The following ENAH variants were observed in gnomAD, a reference collection of about 807,000 sequenced individuals.
ENAH encodes protein enabled homolog.
In ENAH, 23 loss-of-function variants were observed where a neutral mutation model predicts 78.7. That is an observed-to-expected ratio of 0.29 (90% CI 0.21 to 0.41). The LOEUF is 0.41. ENAH is among the 10% of genes least tolerant of loss of function. The pLI is 1.00. For synonymous variants in ENAH, 226 were observed against 241.0 expected (o/e 0.94, Z 0.58); for missense variants, 544 against 691.0 (o/e 0.79, Z 2.39).
At chr1:225,579,677 G>A (rs1222268657) in intron 1 of ENAH, among the ~76,000 whole-genome samples, 1 of 152,130 alleles carries the variant, frequency 6.6e-6, no homozygotes, top group Non-Finnish European at 1.5e-5. Context: ...CTCCAACTTT[G>A]TTACTACACA....
chr1:225,625,413 C>T (rs1251239495), intron 1 of ENAH, among the ~76,000 whole-genome samples: 1 of 152,184 alleles, frequency 6.6e-6, no homozygotes, highest in Non-Finnish European at 1.5e-5. Flanking sequence ...TAGTTGAACT[C>T]CTGCCTTTTC....
intron 1 of ENAH, among the ~76,000 whole-genome samples, chr1:225,630,955 G>T (rs1658902366): frequency 6.6e-6 from 1 of 152,090 alleles, no homozygotes; most frequent in South Asian, 2.1e-4. Flanking sequence ...TAAACCCTTT[G>T]AACACTAGCA....
At chr1:225,566,881 C>G (rs1043370654) in intron 2 of ENAH, among the ~76,000 whole-genome samples, 1 of 152,252 alleles carries the variant, frequency 6.6e-6, no homozygotes, top group African/African-American at 2.4e-5. Flanking sequence ...ACTCCCTCCT[C>G]TAACCCCATA....
intron 4 of ENAH, 95 bp from the exon 5 acceptor site, chr1:225,519,660 A>T: frequency 1.3e-6 from 2 of 1,505,992 alleles, no homozygotes. Flanking sequence ...TTCTGAGTCA[A>T]ATAAAAGCAA....
chr1:225,538,588 CA>C (rs1468960980), intron 3 of ENAH, among the ~76,000 whole-genome samples: 1 of 137,354 alleles, frequency 7.3e-6, no homozygotes, highest in Non-Finnish European at 1.6e-5. Flanking sequence ...AACCTTAAGG[CA>C]AAACTGTATA....
intron 1 of ENAH, among the ~76,000 whole-genome samples, chr1:225,648,999 G>A (rs1027909311): frequency 1.3e-5 from 2 of 152,028 alleles, no homozygotes; most frequent in African/African-American, 4.8e-5. Flanking sequence ...TCGCAAGGTG[G>A]AGCCCACTGC....
Position 225,606,842 on chromosome 1 carries a change from C to CAAA in ENAH, c.6-39431_6-39429dup, listed in dbSNP as rs59168194. On this transcript the variant is annotated intron_variant, in intron 1 of 13. Coordinates refer to ENST00000366843, the MANE Select transcript of ENAH (RefSeq NM_018212.6). ...TGGACGACAGTGCAAGACTCTGTCT[C>CAAA]AAAAAAAAAAAAAAAAAAAAAAAAA... Among the ~76,000 whole-genome samples, 184 of 49,014 alleles carry CAAA rather than the reference C, an allele frequency of 3.8e-3. 2 individuals are homozygous for CAAA. Among genetic ancestry groups the CAAA allele is most frequent in the Non-Finnish European group, 6.2e-3 (158 of 25,338 alleles). 32.2% of individuals were successfully genotyped at this position (49,014 alleles called of 152,430 possible).
intron 5 of ENAH, chr1:225,517,636 T>TGGAGAGAC: frequency 1.3e-6 from 2 of 1,549,814 alleles, no homozygotes. Flanking sequence ...GGGCGAAAAA[T>TGGAGAGAC]TGGAAGTAGA....
At chr1:225,613,665 ATAAC>A (rs140205405) in intron 1 of ENAH, among the ~76,000 whole-genome samples, 6,495 of 152,306 alleles carry the variant, frequency 0.043, 221 homozygotes, top group South Asian at 0.1. Context: ...AACAACAAAA[ATAAC>A]TAATTATAAA....
At chr1:225,539,970 T>C (rs966678446) in intron 3 of ENAH, among the ~76,000 whole-genome samples, 3 of 152,202 alleles carry the variant, frequency 2.0e-5, no homozygotes, top group Non-Finnish European at 4.4e-5. Context: ...TTGTATATGC[T>C]TTTTTCTGAT....
chr1:225,567,852 A>G (rs2096742408), intron 1 of ENAH, among the ~76,000 whole-genome samples: 1 of 152,198 alleles, frequency 6.6e-6, no homozygotes, highest in Admixed American at 6.5e-5. Flanking sequence ...CATGTTTAGT[A>G]TACTGATGAC....
At chr1:225,602,023 A>C (rs749142763) in intron 1 of ENAH, among the ~76,000 whole-genome samples, 5 of 152,102 alleles carry the variant, frequency 3.3e-5, no homozygotes, top group Non-Finnish European at 7.4e-5. Flanking sequence ...ACAATTAAGA[A>C]GATAACAAAA....
In ENAH at chr1:225,486,944, G is replaced by GCA. The variant is rs2096203591; in HGVS notation, c.*10830_*10831insTG. The GCA allele has an allele frequency of 6.6e-6, 1 of 152,642 alleles. No individual in the cohort carries two copies. The highest frequency in any genetic ancestry group is 2.1e-4 in the South Asian group (1 of 4,828). 9.5% of individuals were successfully genotyped at this position (152,642 alleles called of 1,614,324 possible). On this transcript the variant is annotated 3_prime_UTR_variant, in exon 14 of 14. Transcript: ENST00000366843. ...AAGTAGGAAAGAAAGCTGAGGGAGA[G>GCA]ATTGATCCGATTTCAACGATGTGGC...
At chr1:225,651,955 C>T (rs557417929) in intron 1 of ENAH, among the ~76,000 whole-genome samples, 1 of 152,270 alleles carries the variant, frequency 6.6e-6, no homozygotes, top group East Asian at 1.9e-4. Context: ...TAATTTAGCT[C>T]CTGTTTTATT....
chr1:225,500,645 C>T (rs2096276686), intron 12 of ENAH, among the ~76,000 whole-genome samples: 1 of 152,106 alleles, frequency 6.6e-6, no homozygotes. Context: ...TGCACTCTTG[C>T]CAAAATCAGA....
intron 1 of ENAH, among the ~76,000 whole-genome samples, chr1:225,587,907 G>A (rs1443701281): frequency 1.3e-5 from 2 of 152,066 alleles, no homozygotes; most frequent in Admixed American, 1.3e-4. Flanking sequence ...TCAATAAGTG[G>A]TGCTGGAACA....
In ENAH at chr1:225,652,708, G is replaced by A. The variant is rs1417211488; in HGVS notation, c.-18C>T. On this transcript the variant is annotated 5_prime_UTR_variant, in exon 1 of 14. Coordinates refer to ENST00000366843, the MANE Select transcript of ENAH (RefSeq NM_018212.6). Reference sequence around the variant, plus strand: ...CACCTCATGGTGCCGGCGGCGCAGAGGCTTCCCCACCAGCCGGGAGACGCA... The same window carrying A: ...CACCTCATGGTGCCGGCGGCGCAGAAGCTTCCCCACCAGCCGGGAGACGCA... 4 of 1,320,544 alleles carry A rather than the reference G, an allele frequency of 3.0e-6. No individual in the cohort carries two copies. The highest frequency in any genetic ancestry group is 3.9e-6 in the Non-Finnish European group (4 of 1,037,340). 81.8% of individuals were successfully genotyped at this position (1,320,544 alleles called of 1,614,324 possible). A position where few individuals can be genotyped will look rare whatever the true frequency, so the allele number is the denominator to read the frequency against.
At chr1:225,526,396 T>C (rs2096505478) in intron 4 of ENAH, among the ~76,000 whole-genome samples, 1 of 151,668 alleles carries the variant, frequency 6.6e-6, no homozygotes, top group Non-Finnish European at 1.5e-5. Flanking sequence ...TGGGGTGCAA[T>C]GGCACGATCT....
At chr1:225,577,920 T>C (rs1210167530) in intron 1 of ENAH, among the ~76,000 whole-genome samples, 1 of 152,192 alleles carries the variant, frequency 6.6e-6, no homozygotes, top group African/African-American at 2.4e-5. Context: ...TAGGGAGTAA[T>C]CTTTTCTCAA....
Sources: gnomAD v4.1 joint callset for allele counts (sites outside exome capture counted in the v4.1 genomes callset) on GRCh38, gnomAD v4.1.1 for gene constraint, MANE v1.5 for transcripts, NCBI Gene and HGNC (gene_info 2026-07-23, HGNC 2026-07-21) for gene names.